Variants in STXBP5L observed in about 807,000 individuals in gnomAD.
STXBP5L encodes syntaxin binding protein 5L.
A neutral mutation model predicts 144.5 loss-of-function variants in STXBP5L; 65 were observed. The ratio of observed to expected loss-of-function variants is 0.45; its 90% CI spans 0.37 to 0.55. The LOEUF (loss-of-function observed/expected upper bound fraction) is 0.55. Ranked by LOEUF, STXBP5L falls within the 20% of genes least tolerant of loss-of-function variation. The probability of loss-of-function intolerance (pLI) is 0.00; values close to 1 mark genes in which losing one functional copy is unlikely to be tolerated. For missense variants in STXBP5L, 1,298 were observed against 1,405.5 expected, an observed-to-expected ratio of 0.92 and a Z score of 1.22; for synonymous variants, 505 against 469.6, an observed-to-expected ratio of 1.08 and a Z score of -0.97.
At chr3:120,981,515 A>T (rs1048095189) in intron 3 of STXBP5L, among the ~76,000 whole-genome samples, 3 of 152,008 alleles carry the variant, frequency 2.0e-5, no homozygotes, top group African/African-American at 7.2e-5. Context: ...CCTTTAATGA[A>T]TTTTTAGTTC....
intron 3 of STXBP5L, among the ~76,000 whole-genome samples, chr3:120,960,707 C>G (rs9872110): frequency 0.22 from 32,339 of 149,428 alleles, 3,682 homozygotes; most frequent in Non-Finnish European, 0.26. Context: ...GGGAATTGAA[C>G]AATGAGAACA....
intron 9 of STXBP5L, among the ~76,000 whole-genome samples, chr3:121,179,822 A>G (rs1014384521): frequency 6.6e-6 from 1 of 152,164 alleles, no homozygotes; most frequent in Non-Finnish European, 1.5e-5. Context: ...GACTAGAACA[A>G]GTAGAAGAAA....
intron 5 of STXBP5L, among the ~76,000 whole-genome samples, chr3:121,095,846 G>A (rs549193533): frequency 1.8e-4 from 27 of 152,278 alleles, no homozygotes; most frequent in South Asian, 6.2e-4. Context: ...TGTTCCTTTG[G>A]AGGGGGAGAG....
chr3:121,143,099 G>A (rs2045572818), intron 7 of STXBP5L, among the ~76,000 whole-genome samples: 1 of 151,766 alleles, frequency 6.6e-6, no homozygotes, highest in South Asian at 2.1e-4. Flanking sequence ...CCAACAAACT[G>A]TATAATCTAG....
intron 5 of STXBP5L, among the ~76,000 whole-genome samples, chr3:121,078,624 G>A (rs146600315): frequency 2.0e-4 from 31 of 152,342 alleles, no homozygotes; most frequent in East Asian, 5.8e-4. Context: ...AGGAGCCCAC[G>A]GAGTGGGGGA....
At chr3:121,118,200 A>G (rs2044311918) in intron 6 of STXBP5L, among the ~76,000 whole-genome samples, 10 of 151,682 alleles carry the variant, frequency 6.6e-5, no homozygotes, top group Admixed American at 6.6e-4. Flanking sequence ...AAAGTTAAAT[A>G]AAAAGGCAAT....
chr3:121,147,210 C>CA (rs1456194825), intron 7 of STXBP5L, among the ~76,000 whole-genome samples: 4 of 151,874 alleles, frequency 2.6e-5, no homozygotes, highest in Admixed American at 1.3e-4. Flanking sequence ...ATTTGCTGAA[C>CA]CAAAAAACAT....
At chr3:121,344,008 G>T (rs2044842680) in intron 20 of STXBP5L, among the ~76,000 whole-genome samples, 1 of 152,060 alleles carries the variant, frequency 6.6e-6, no homozygotes, top group Non-Finnish European at 1.5e-5. Context: ...ATACTACAAA[G>T]CTACAGTAAC....
chr3:121,306,106 A>C (rs2043329818), intron 19 of STXBP5L, among the ~76,000 whole-genome samples: 1 of 152,230 alleles, frequency 6.6e-6, no homozygotes, highest in African/African-American at 2.4e-5. Context: ...AAGCTATTTT[A>C]AAAACAACCA....
rs2047311504 is a variant in STXBP5L at position 121,419,329 on chromosome 3, G to A, written c.*232G>A. ...AATTTGCCTTTTCCCATGTGGAATG[G>A]AGCTATCATCTTGGCATGTCATTCG... On this transcript the variant is annotated 3_prime_UTR_variant, in exon 27 of 27. Coordinates refer to ENST00000471454, the MANE Select transcript of STXBP5L (RefSeq NM_001308330.2). The A allele has an allele frequency of 1.2e-5, 5 of 421,844 alleles. No homozygotes were observed. The highest frequency in any genetic ancestry group is 2.1e-5 in the African/African-American group (1 of 48,638). 26.1% of individuals were successfully genotyped at this position (421,844 alleles called of 1,614,324 possible).
intron 18 of STXBP5L, among the ~76,000 whole-genome samples, chr3:121,279,141 A>T (rs906647652): frequency 6.6e-6 from 1 of 151,892 alleles, no homozygotes; most frequent in Non-Finnish European, 1.5e-5. Context: ...GAGTTAATGT[A>T]TGCCTAATGG....
chr3:121,114,825 A>G, intron 5 of STXBP5L, 100 bp from the exon 6 acceptor site: 1 of 708,390 alleles, frequency 1.4e-6, no homozygotes, highest in Non-Finnish European at 2.1e-6. Flanking sequence ...AGTACATTTT[A>G]TTATTTATAT....
At chr3:121,212,024 G>A (rs1378860752) in intron 10 of STXBP5L, among the ~76,000 whole-genome samples, 2 of 152,242 alleles carry the variant, frequency 1.3e-5, no homozygotes, top group South Asian at 4.2e-4. Flanking sequence ...TTTGAGAAGT[G>A]TCTATTCATA....
chr3:121,381,782 G>C (rs914198274), intron 22 of STXBP5L, among the ~76,000 whole-genome samples: 6 of 151,958 alleles, frequency 3.9e-5, no homozygotes, highest in Non-Finnish European at 8.8e-5. Flanking sequence ...CAATGACATG[G>C]GAAATAAGTT....
intron 9 of STXBP5L, among the ~76,000 whole-genome samples, chr3:121,186,344 G>T (rs1399998229): frequency 6.6e-6 from 1 of 152,210 alleles, no homozygotes; most frequent in Non-Finnish European, 1.5e-5. Context: ...TTGAATAGGA[G>T]TGGTGAGAGA....
rs75507116 is a variant in STXBP5L at position 121,010,564 on chromosome 3, A to T, written c.288-31136A>T. On this transcript the variant is annotated intron_variant, in intron 3 of 26. Transcript: ENST00000471454. ...AGATAATAGTTGACCCTTGAACAAC[A>T]CGGGGGTTAGGGGAACTGATCTGCC... 2.3e-4 allele frequency among the ~76,000 whole-genome samples: 35 copies of T among 151,742 alleles called. No individual in the cohort carries two copies. The East Asian group carries it at 6.4e-3, about 28-fold the overall frequency.
chr3:121,221,665 T>A (rs1227264836), intron 10 of STXBP5L, among the ~76,000 whole-genome samples: 1 of 151,690 alleles, frequency 6.6e-6, no homozygotes, highest in South Asian at 2.1e-4. Flanking sequence ...ATAACAAATG[T>A]GCTTTTTAAT....
chr3:121,000,747 C>T (rs1164972206), intron 3 of STXBP5L, among the ~76,000 whole-genome samples: 3 of 152,146 alleles, frequency 2.0e-5, no homozygotes, highest in African/African-American at 7.2e-5. Context: ...GGCTGATGTT[C>T]CTTTAATCTT....
At chr3:120,990,738 C>G (rs1394334727) in intron 3 of STXBP5L, among the ~76,000 whole-genome samples, 2 of 152,142 alleles carry the variant, frequency 1.3e-5, no homozygotes, top group South Asian at 2.1e-4. Flanking sequence ...GAAAAGATTC[C>G]TTATTTAATA....
Sources: allele counts gnomAD v4.1 joint callset (sites outside exome capture counted in the v4.1 genomes callset), GRCh38; gene constraint gnomAD v4.1.1; transcripts MANE v1.5; gene names NCBI Gene and HGNC (gene_info 2026-07-23, HGNC 2026-07-21).